Variants in LPIN2 observed in about 807,000 individuals in gnomAD.
LPIN2 encodes phosphatidate phosphatase LPIN2.
Under a neutral mutation model 111.4 loss-of-function variants are expected in LPIN2, and 55 were observed. The ratio of observed to expected loss-of-function variants is 0.49; its 90% CI spans 0.40 to 0.62. The LOEUF is 0.62. Ranked by LOEUF, LPIN2 falls within the 20% of genes least tolerant of loss-of-function variation. The pLI, the probability that LPIN2 is intolerant of heterozygous loss-of-function variation, is 0.00. For synonymous variants in LPIN2, 425 were observed against 414.0 expected (o/e 1.03, Z -0.32); for missense variants, 992 against 1,112.1 (o/e 0.89, Z 1.54).
Position 2,926,308 on chromosome 18 carries a change from G to A in LPIN2, c.1793+415C>T, listed in dbSNP as rs73936862. Among the ~76,000 whole-genome samples the A allele has an allele frequency of 4.0e-3, 602 of 152,262 alleles. 8 individuals are homozygous for A. The highest frequency in any genetic ancestry group is 0.014 in the African/African-American group (572 of 41,548). The stretch of plus-strand genomic sequence containing the variant: ...CAGAAGCAGGAACACGGCGTATCGC[G>A]AGCAACTCCTCTCAGGGCTGCTCAC... On this transcript the variant is annotated intron_variant, in intron 13 of 19. Coordinates refer to ENST00000677752, the MANE Select transcript of LPIN2 (RefSeq NM_001375808.2).
chr18:2,931,111 G>T, intron 9 of LPIN2, 145 bp downstream of exon 9: 1 of 955,844 alleles, frequency 1.0e-6, no homozygotes, highest in Non-Finnish European at 1.6e-6. Flanking sequence ...AGGGTATAAG[G>T]GTCTGACATT....
chr18:2,957,170 T>C (rs1001050576), intron 2 of LPIN2, among the ~76,000 whole-genome samples: 5 of 152,220 alleles, frequency 3.3e-5, no homozygotes, highest in African/African-American at 9.6e-5. Flanking sequence ...AAACAGTCGA[T>C]GTACTAGACT....
chr18:2,986,047 G>T (rs952592067), intron 1 of LPIN2, among the ~76,000 whole-genome samples: 32 of 152,170 alleles, frequency 2.1e-4, no homozygotes, highest in African/African-American at 7.2e-4. Flanking sequence ...TGGCTCACCT[G>T]AAACAAATGT....
chr18:2,932,834 G>A (rs533161557), intron 8 of LPIN2, among the ~76,000 whole-genome samples: 27 of 152,310 alleles, frequency 1.8e-4, no homozygotes, highest in Non-Finnish European at 3.7e-4. Flanking sequence ...AAGGTGAAAG[G>A]AGCCTGTGTT....
chr18:2,978,559 C>T (rs186152594), intron 1 of LPIN2, among the ~76,000 whole-genome samples: 3 of 152,260 alleles, frequency 2.0e-5, no homozygotes, highest in East Asian at 1.9e-4. Flanking sequence ...AGAACTGTCA[C>T]GATTGGAAGA....
At chr18:2,968,675 A>T (rs2077850116) in intron 1 of LPIN2, among the ~76,000 whole-genome samples, 1 of 152,176 alleles carries the variant, frequency 6.6e-6, no homozygotes, top group Non-Finnish European at 1.5e-5. Flanking sequence ...TAAGGAAGGA[A>T]GGTTCCCAGT....
intron 5 of LPIN2, 93 bp downstream of exon 5, chr18:2,940,512 A>G: frequency 1.3e-6 from 1 of 746,010 alleles, no homozygotes; most frequent in East Asian, 2.5e-5. Flanking sequence ...GTGTGAGAGA[A>G]ATGGGAAATA....
At chr18:2,993,881 A>G (rs2143438081) in intron 1 of LPIN2, among the ~76,000 whole-genome samples, 1 of 152,342 alleles carries the variant, frequency 6.6e-6, no homozygotes, top group Middle Eastern at 3.4e-3. Context: ...GTATACCGAC[A>G]CAACCATACA....
At chr18:2,923,042 C>T (rs1285483873) in intron 16 of LPIN2, among the ~76,000 whole-genome samples, 1 of 152,214 alleles carries the variant, frequency 6.6e-6, no homozygotes, top group Non-Finnish European at 1.5e-5. Context: ...GCACGGCTAT[C>T]TTCCCCTCAA....
At position 2,953,447 on chromosome 18, in the gene LPIN2, G is replaced by A. The variant is rs150066129; in HGVS notation, c.288+1057C>T. On this transcript the variant is annotated intron_variant, in intron 3 of 19. Coordinates refer to ENST00000677752, the MANE Select transcript of LPIN2 (RefSeq NM_001375808.2). ...AAAATGTTGCTTAGGCCAAGTAAAT[G>A]CAAACAAGGTATTACAAAGATAAGT... 6.7e-4 allele frequency among the ~76,000 whole-genome samples: 102 copies of A among 151,946 alleles called. 1 individual carries two copies. The East Asian group carries it at 0.018, about 26-fold the overall frequency.
intron 3 of LPIN2, among the ~76,000 whole-genome samples, chr18:2,952,196 G>A (rs971294932): frequency 1.3e-5 from 2 of 152,188 alleles, no homozygotes; most frequent in Non-Finnish European, 2.9e-5. Flanking sequence ...GGAGGCAGAG[G>A]CAGGCGGATC....
Position 2,964,357 on chromosome 18 carries a change from C to T in LPIN2, c.-9-3508G>A, listed in dbSNP as rs182681403. ...ATATCTATGACCTCCCTCTGTCCCC[C>T]ACCACCACCAAATTCATATATTGAA... On this transcript the variant is annotated intron_variant, in intron 1 of 19. Transcript: ENST00000677752. Among the ~76,000 whole-genome samples, 8 of 151,918 alleles carry T rather than the reference C, an allele frequency of 5.3e-5. No homozygotes were observed. In the East Asian group the frequency reaches 1.5e-3, roughly 29 times the overall value.
chr18:2,917,000 TTA>T lies in LPIN2; in HGVS notation c.*3291_*3292del, dbSNP rs1483611970. On this transcript the variant is annotated 3_prime_UTR_variant, in exon 20 of 20. Transcript: ENST00000677752. ...AAGAAAAGAGCCAAATGCATTCAGT[TTA>T]TGTTATGTTCGTTTATTGTTGTAAC... 11 of 152,374 alleles carry T rather than the reference TTA, an allele frequency of 7.2e-5. No homozygotes were observed. Among genetic ancestry groups the T allele is most frequent in the South Asian group, 2.1e-4 (1 of 4,830 alleles). The allele number at this position is 152,374 out of a possible 1,614,324, so 9.4% of individuals were successfully genotyped here.
intron 8 of LPIN2, 67 bp from the exon 9 acceptor site, chr18:2,931,510 G>A (rs1389023769): frequency 6.8e-7 from 1 of 1,469,480 alleles, no homozygotes; most frequent in Admixed American, 2.0e-5. Context: ...TTTACTGCAT[G>A]GTTCTCTGGG....
intron 1 of LPIN2, among the ~76,000 whole-genome samples, chr18:2,993,597 T>C (rs1252654653): frequency 2.9e-5 from 2 of 68,686 alleles, no homozygotes; most frequent in Admixed American, 4.1e-4. Context: ...TCCACAGCAA[T>C]AACTTCAACA....
rs746075407 is a variant in LPIN2, at chr18:2,951,291, A to C, written c.354T>G (p.Ile118Met). 6.2e-7 allele frequency: 1 copy of C among 1,614,114 alleles called. No individual in the cohort carries two copies. Among genetic ancestry groups the C allele is most frequent in the South Asian group, 1.1e-5 (1 of 91,078 alleles). ...CACCCGATTTCACCAAAGGGGTGTC[A>C]ATATCTTTAAAGAACTGATCTTCAG... ...IPTEDQFFKD[I>M]DTPLVKSGGD... The change falls in exon 4 of 20, where the codon ATT becomes ATG. Residue 118 changes from isoleucine (I) to methionine (M), a missense_variant. Ile to Met is a conservative substitution (Grantham distance 10). Around this residue, in one of 4 missense-constraint regions of LPIN2, gnomAD observed 709 missense variants for 753.2 expected, o/e 0.94. Transcript: ENST00000677752.
rs1006544938 is a variant in LPIN2 at position 2,923,960 on chromosome 18, C to T, written c.2088-99G>A. On this transcript the variant is annotated intron_variant, in intron 15 of 19. Coordinates refer to ENST00000677752, the MANE Select transcript of LPIN2 (RefSeq NM_001375808.2). ...TCAGCTGCCAATAACTAATTGGTGGCGGGACACTCTTGAAAGGGGATTTAA... is the reference window on the plus strand; with the variant it reads ...TCAGCTGCCAATAACTAATTGGTGGTGGGACACTCTTGAAAGGGGATTTAA... 48 of 941,776 alleles carry T rather than the reference C, an allele frequency of 5.1e-5. No individual in the cohort carries two copies. The African/African-American group carries it at 5.3e-4, about 10-fold the overall frequency. 58.3% of individuals were successfully genotyped at this position (941,776 alleles called of 1,614,324 possible).
At chr18:2,954,250 C>A (rs2077577945) in intron 3 of LPIN2, among the ~76,000 whole-genome samples, 1 of 152,178 alleles carries the variant, frequency 6.6e-6, no homozygotes, top group Non-Finnish European at 1.5e-5. Flanking sequence ...AAGTGATGTG[C>A]CTTCCCTTAG....
chr18:3,006,203 T>C (rs1193276961), intron 1 of LPIN2, among the ~76,000 whole-genome samples: 1 of 152,208 alleles, frequency 6.6e-6, no homozygotes, highest in East Asian at 1.9e-4. Flanking sequence ...TTACAAATAT[T>C]AAACACCTCC....
Sources: gnomAD v4.1 joint callset for allele counts (sites outside exome capture counted in the v4.1 genomes callset) on GRCh38, gnomAD v4.1.1 for gene constraint, gnomAD v4.1.1 regional missense constraint, MANE v1.5 for transcripts, NCBI Gene and HGNC (gene_info 2026-07-23, HGNC 2026-07-21) for gene names.